The following HACD2 variants were observed in gnomAD, a reference collection of about 807,000 sequenced individuals.
HACD2 encodes the protein 3-hydroxyacyl-CoA dehydratase 2.
HACD2 carries 15 observed loss-of-function variants against 31.0 expected under a neutral mutation model. That is an observed-to-expected ratio of 0.48 (90% CI 0.32 to 0.75). HACD2 has a LOEUF of 0.75. HACD2 is among the 30% of genes least tolerant of loss of function. The pLI is 0.03. For missense variants in HACD2, 283 were observed against 313.0 expected, an observed-to-expected ratio of 0.90 and a Z score of 0.72; for synonymous variants, 115 against 122.2, an observed-to-expected ratio of 0.94 and a Z score of 0.39.
chr3:123,502,701 A>G lies in HACD2; in HGVS notation c.382-20T>C. 1.3e-6 allele frequency: 2 copies of G among 1,580,132 alleles called. No individual in the cohort carries two copies. Among genetic ancestry groups the G allele is most frequent in the Non-Finnish European group, 1.7e-6 (2 of 1,162,072 alleles). On this transcript the variant is annotated intron_variant, in intron 4 of 6. Transcript: ENST00000383657. Reference sequence around the variant, plus strand: ...CTGTACCTGAAGGAAGAGGAAAACAAAAGAAAAAAAACACACAGACAACGT... The same window carrying G: ...CTGTACCTGAAGGAAGAGGAAAACAGAAGAAAAAAAACACACAGACAACGT...
intron 3 of HACD2, among the ~76,000 whole-genome samples, chr3:123,542,699 T>C (rs552594258): frequency 1.4e-4 from 21 of 152,314 alleles, no homozygotes; most frequent in Non-Finnish European, 2.5e-4. Context: ...GAGAGAGACA[T>C]GATGATACAT....
At chr3:123,545,006 C>T (rs1330082534) in intron 3 of HACD2, among the ~76,000 whole-genome samples, 1 of 106,114 alleles carries the variant, frequency 9.4e-6, no homozygotes, top group Non-Finnish European at 1.7e-5. Context: ...CCCAGGAGGT[C>T]GAAGCTGTAG....
chr3:123,546,315 T>G (rs1044400952), intron 3 of HACD2, among the ~76,000 whole-genome samples: 3 of 152,150 alleles, frequency 2.0e-5, no homozygotes, highest in Non-Finnish European at 1.5e-5. Context: ...TGAGCAACCA[T>G]CCAAACCCTT....
Position 123,533,377 on chromosome 3 carries a change from A to G in HACD2, c.293-4903T>C, listed in dbSNP as rs568944942. ...ATGCCCAGGCTGGTCTCGAACTCCT[A>G]AGCTCAAGTGATCTGTCCGCCTCAG... is the stretch of plus-strand genomic sequence containing the variant. On this transcript the variant is annotated intron_variant, in intron 3 of 6. Coordinates refer to ENST00000383657, the MANE Select transcript of HACD2 (RefSeq NM_198402.5). Among the ~76,000 whole-genome samples, 3 of 152,266 alleles carry G rather than the reference A, an allele frequency of 2.0e-5. No individual in the cohort carries two copies. The East Asian group carries it at 5.8e-4, about 29-fold the overall frequency.
chr3:123,497,801 C>T (rs2055852401), intron 6 of HACD2, among the ~76,000 whole-genome samples: 2 of 152,174 alleles, frequency 1.3e-5, no homozygotes, highest in Non-Finnish European at 1.5e-5. Flanking sequence ...TCATGAGCCA[C>T]AATTTAGGCT....
chr3:123,496,600 G>A (rs16834364), intron 6 of HACD2, among the ~76,000 whole-genome samples: 79,927 of 152,128 alleles, frequency 0.53, 24,584 homozygotes, highest in Non-Finnish European at 0.69. Flanking sequence ...CATATAATTC[G>A]ACAGGCAGAG....
At chr3:123,546,976 TTG>T (rs2056567392) in intron 3 of HACD2, among the ~76,000 whole-genome samples, 1 of 152,180 alleles carries the variant, frequency 6.6e-6, no homozygotes, top group Non-Finnish European at 1.5e-5. Flanking sequence ...CTAAAAAAAT[TTG>T]CTAGTATATT....
Position 123,528,460 on chromosome 3 carries a change from A to C in HACD2, c.307T>G (p.Ser103Ala). The change falls in exon 4 of 7, where the codon TCT becomes GCT. Residue 103 changes from serine (S) to alanine (A), a missense_variant. By Grantham distance (99) the Ser-to-Ala change is moderately conservative. Coordinates refer to ENST00000383657, the MANE Select transcript of HACD2 (RefSeq NM_198402.5). ...LHCAIGIVPS[S>A]VVLTSFQVMS... is the part of the protein sequence containing the mutation. ...ACCTGGAAAGAAGTCAGGACAACAG[A>C]AGATGGAACAATTCCTGAAAGAAAT... The C allele has an allele frequency of 6.2e-7, 1 of 1,609,874 alleles. No individual in the cohort carries two copies. Among genetic ancestry groups the C allele is most frequent in the Admixed American group, 1.7e-5 (1 of 60,018 alleles).
At chr3:123,559,846 T>C (rs1334913289) in intron 3 of HACD2, among the ~76,000 whole-genome samples, 1 of 152,146 alleles carries the variant, frequency 6.6e-6, no homozygotes, top group East Asian at 1.9e-4. Flanking sequence ...TCGGGGACTG[T>C]TTTTGCCTCA....
chr3:123,582,298 C>T lies in HACD2; in HGVS notation c.187G>A (p.Ala63Thr). ...TGGTAGCTACCCTTAGCCAGGTATGCTCGGACCAGACCAACCGCTATAACC... is the reference window on the plus strand; with the variant it reads ...TGGTAGCTACCCTTAGCCAGGTATGTTCGGACCAGACCAACCGCTATAACC... ...WLVIAVGLVR[A>T]YLAKGSYHSL... is the part of the protein sequence containing the mutation. Residue 63 changes from alanine (A) to threonine (T), a missense_variant, in exon 2 of 7, where the codon GCA becomes ACA. Around this residue, in one of 3 missense-constraint regions of HACD2, gnomAD observed 158 missense variants for 148.3 expected, o/e 1.07. Transcript: ENST00000383657. 6.2e-7 allele frequency: 1 copy of T among 1,606,456 alleles called. No individual in the cohort carries two copies. Among genetic ancestry groups the T allele is most frequent in the Non-Finnish European group, 8.5e-7 (1 of 1,176,458 alleles).
At chr3:123,541,829 C>A (rs2056493849) in intron 3 of HACD2, among the ~76,000 whole-genome samples, 1 of 152,100 alleles carries the variant, frequency 6.6e-6, no homozygotes. Flanking sequence ...TTGAAATGTT[C>A]ACAATGTAAA....
At chr3:123,552,937 G>A (rs1374764183) in intron 3 of HACD2, among the ~76,000 whole-genome samples, 2 of 152,120 alleles carry the variant, frequency 1.3e-5, no homozygotes, top group Non-Finnish European at 2.9e-5. Context: ...AAAGAAGAGG[G>A]ATCAGAGTAA....
In HACD2 at chr3:123,563,642, T is replaced by TACAC. The variant is rs765094189; in HGVS notation, c.292+4119_292+4120insGTGT. The stretch of plus-strand genomic sequence containing the variant: ...TTTTTTGAATTGACAAAAAAATATA[T>TACAC]ATACACACACACACACACACACACA... On this transcript the variant is annotated intron_variant, in intron 3 of 6. Transcript: ENST00000383657. Among the ~76,000 whole-genome samples, 619 of 105,194 alleles carry TACAC rather than the reference T, an allele frequency of 5.9e-3. 2 individuals carry two copies. Among genetic ancestry groups the TACAC allele is most frequent in the Admixed American group, 8.3e-3 (76 of 9,174 alleles). 69.0% of individuals were successfully genotyped at this position (105,194 alleles called of 152,430 possible).
At chr3:123,557,603 C>T (rs1194349265) in intron 3 of HACD2, among the ~76,000 whole-genome samples, 1 of 152,148 alleles carries the variant, frequency 6.6e-6, no homozygotes, top group Non-Finnish European at 1.5e-5. Flanking sequence ...TGCTCCACTG[C>T]ACTCCAGCCT....
chr3:123,529,353 C>T (rs926918116), intron 3 of HACD2, among the ~76,000 whole-genome samples: 1 of 152,132 alleles, frequency 6.6e-6, no homozygotes, highest in South Asian at 2.1e-4. Context: ...CCGCCTGCCT[C>T]GGCTTCCCAA....
chr3:123,570,658 G>T (rs1288367259), intron 2 of HACD2, among the ~76,000 whole-genome samples: 2 of 152,262 alleles, frequency 1.3e-5, no homozygotes, highest in South Asian at 4.1e-4. Context: ...GATGGGGTCG[G>T]AGGAAAGTAT....
At chr3:123,505,330 G>A (rs1374811030) in intron 4 of HACD2, among the ~76,000 whole-genome samples, 1 of 152,144 alleles carries the variant, frequency 6.6e-6, no homozygotes, top group East Asian at 1.9e-4. Context: ...TCTGGAGATG[G>A]ATGGTGATGA....
At chr3:123,504,024 AAAT>A (rs1351808162) in intron 4 of HACD2, among the ~76,000 whole-genome samples, 1 of 152,192 alleles carries the variant, frequency 6.6e-6, no homozygotes, top group Admixed American at 6.5e-5. Flanking sequence ...TATTCTCTAA[AAAT>A]AATAAGAATT....
chr3:123,536,149 TA>T (rs1487634526), intron 3 of HACD2, among the ~76,000 whole-genome samples: 1 of 152,200 alleles, frequency 6.6e-6, no homozygotes, highest in Non-Finnish European at 1.5e-5. Flanking sequence ...CCTATATCAA[TA>T]TGTAAATTTT....
Sources: allele counts gnomAD v4.1 joint callset (sites outside exome capture counted in the v4.1 genomes callset), GRCh38; gene constraint gnomAD v4.1.1; regional missense constraint gnomAD v4.1.1; transcripts MANE v1.5; gene names NCBI Gene and HGNC (gene_info 2026-07-23, HGNC 2026-07-21).